Variants in MAP1B observed in about 807,000 individuals in gnomAD.
MAP1B encodes the protein microtubule associated protein 1B.
MAP1B carries 12 observed loss-of-function variants against 176.1 expected under a neutral mutation model. That is an observed-to-expected ratio of 0.07 (90% CI 0.04 to 0.11). MAP1B has a LOEUF of 0.11. Ranked by LOEUF, MAP1B falls within the 10% of genes least tolerant of loss-of-function variation. The probability of loss-of-function intolerance (pLI) is 1.00; values close to 1 mark genes in which losing one functional copy is unlikely to be tolerated. For missense variants in MAP1B, 2,523 were observed against 2,990.5 expected, an observed-to-expected ratio of 0.84 and a Z score of 3.65; for synonymous variants, 1,044 against 1,135.0, an observed-to-expected ratio of 0.92 and a Z score of 1.61.
intron 2 of MAP1B, among the ~76,000 whole-genome samples, chr5:72,138,464 A>G (rs967411173): frequency 2.0e-5 from 3 of 152,322 alleles, no homozygotes; most frequent in South Asian, 2.1e-4. Flanking sequence ...TTCAATATAT[A>G]TGAAGAGTCA....
intron 5 of MAP1B, among the ~76,000 whole-genome samples, chr5:72,200,940 A>T (rs1747321163): frequency 6.6e-6 from 1 of 152,246 alleles, no homozygotes; most frequent in Non-Finnish European, 1.5e-5. Context: ...TCAGCCAAAA[A>T]ATACTATAAT....
At chr5:72,158,880 AT>A (rs1287842583) in intron 2 of MAP1B, among the ~76,000 whole-genome samples, 1 of 152,226 alleles carries the variant, frequency 6.6e-6, no homozygotes, top group African/African-American at 2.4e-5. Context: ...GGGTTCACTT[AT>A]GCAGAAAGTT....
At chr5:72,131,640 G>A (rs1745734634) in intron 2 of MAP1B, among the ~76,000 whole-genome samples, 1 of 152,200 alleles carries the variant, frequency 6.6e-6, no homozygotes. Context: ...AAATTCTAAT[G>A]ATAAATAGAG....
chr5:72,165,406 G>A (rs1417223795), intron 2 of MAP1B, among the ~76,000 whole-genome samples: 5 of 152,168 alleles, frequency 3.3e-5, no homozygotes, highest in Admixed American at 3.3e-4. Flanking sequence ...CAAGTCCACA[G>A]ACCCAGAATC....
At chr5:72,120,569 C>T (rs1014911642) in intron 2 of MAP1B, among the ~76,000 whole-genome samples, 3 of 151,850 alleles carry the variant, frequency 2.0e-5, no homozygotes, top group Admixed American at 1.3e-4. Context: ...GGACTACAGG[C>T]GCCCACCACC....
At chr5:72,112,574 G>A (rs2056546725) in intron 1 of MAP1B, among the ~76,000 whole-genome samples, 2 of 152,104 alleles carry the variant, frequency 1.3e-5, no homozygotes, top group African/African-American at 2.4e-5. Flanking sequence ...TCCCTTGTGT[G>A]CACTGCTACC....
chr5:72,146,216 T>C (rs1360012267), intron 2 of MAP1B, among the ~76,000 whole-genome samples: 1 of 152,234 alleles, frequency 6.6e-6, no homozygotes, highest in Non-Finnish European at 1.5e-5. Context: ...CCAAAAAATC[T>C]GAACAATGCC....
intron 1 of MAP1B, among the ~76,000 whole-genome samples, chr5:72,109,599 G>A (rs1745275172): frequency 6.6e-6 from 1 of 152,192 alleles, no homozygotes; most frequent in East Asian, 1.9e-4. Context: ...CTAGGAGAGG[G>A]ATCATCAACC....
chr5:72,142,966 T>G (rs1333710549), intron 2 of MAP1B, among the ~76,000 whole-genome samples: 2 of 152,170 alleles, frequency 1.3e-5, no homozygotes, highest in Non-Finnish European at 2.9e-5. Flanking sequence ...TCTCCAAAAA[T>G]AAGATTTTCT....
rs150362687 is a variant in MAP1B at position 72,142,065 on chromosome 5, A to T, written c.286+26266A>T. ...TCTGGAATGCAGTCCCCAGCCCCAAATCCTAATATGCTGACAAGGCAAAAG... is the reference window on the plus strand; with the variant it reads ...TCTGGAATGCAGTCCCCAGCCCCAATTCCTAATATGCTGACAAGGCAAAAG... On this transcript the variant is annotated intron_variant, in intron 2 of 6. Coordinates refer to ENST00000296755, the MANE Select transcript of MAP1B (RefSeq NM_005909.5). Among the ~76,000 whole-genome samples the T allele has an allele frequency of 3.5e-3, 531 of 152,260 alleles. 2 individuals carry two copies. Among genetic ancestry groups the T allele is most frequent in the African/African-American group, 0.012 (510 of 41,528 alleles).
chr5:72,178,725 GGTGTGT>G lies in MAP1B; in HGVS notation c.287-4977_287-4972del, dbSNP rs34082751. On this transcript the variant is annotated intron_variant, in intron 2 of 6. Coordinates refer to ENST00000296755, the MANE Select transcript of MAP1B (RefSeq NM_005909.5). ...CAAAACCAGGGTGAAGCCTCTGAGGGGTGTGTGTGTGTGTGTGTGTGTGTGTGTGTG... is the reference window on the plus strand; with the variant it reads ...CAAAACCAGGGTGAAGCCTCTGAGGGGTGTGTGTGTGTGTGTGTGTGTGTG... Among the ~76,000 whole-genome samples the G allele has an allele frequency of 8.9e-3, 1,248 of 140,478 alleles. 10 individuals carry two copies. Among genetic ancestry groups the G allele is most frequent in the African/African-American group, 0.026 (969 of 37,562 alleles). The allele number at this position is 140,478 out of a possible 152,430, so 92.2% of individuals were successfully genotyped here.
chr5:72,186,806 G>T lies in MAP1B; in HGVS notation c.510+52G>T, dbSNP rs1195361779. ...GCTTCTAGTGGCTTGGTTGCCTTAGGTTCCTCTTTGAGAGCACTGGGGGAG... is the reference window on the plus strand; with the variant it reads ...GCTTCTAGTGGCTTGGTTGCCTTAGTTTCCTCTTTGAGAGCACTGGGGGAG... On this transcript the variant is annotated intron_variant, in intron 4 of 6. Coordinates refer to ENST00000296755, the MANE Select transcript of MAP1B (RefSeq NM_005909.5). This position sits in a 1 kb window ranked among gnomAD's most constrained non-coding sequence, Gnocchi z 4.3. The T allele has an allele frequency of 3.7e-6, 6 of 1,605,882 alleles. No individual in the cohort carries two copies. The highest frequency in any genetic ancestry group is 5.1e-6 in the Non-Finnish European group (6 of 1,176,494).
At chr5:72,151,715 T>C (rs752304983) in intron 2 of MAP1B, among the ~76,000 whole-genome samples, 18 of 152,182 alleles carry the variant, frequency 1.2e-4, no homozygotes, top group Non-Finnish European at 1.6e-4. Context: ...ATAGGTGTGG[T>C]CCCAAACTGG....
At chr5:72,150,254 T>C (rs10064686) in intron 2 of MAP1B, among the ~76,000 whole-genome samples, 10,389 of 152,366 alleles carry the variant, frequency 0.068, 416 homozygotes, top group Middle Eastern at 0.095. Context: ...TCAGAATCCA[T>C]TTAATATTTT....
intron 2 of MAP1B, among the ~76,000 whole-genome samples, chr5:72,181,893 T>G (rs1259933505): frequency 6.6e-6 from 1 of 151,850 alleles, no homozygotes; most frequent in Non-Finnish European, 1.5e-5. Context: ...CCTGGCTAAT[T>G]TTTTGTATTT....
Position 72,198,829 on chromosome 5 carries a change from C to G in MAP1B, c.5474C>G (p.Ala1825Gly). The stretch of plus-strand genomic sequence containing the variant: ...TCCTCTTCTCCACCAATAGATGCAG[C>G]ATCCGCAGAGCCCTATGGCTTCCGT... ...HSSSSPPIDA[A>G]SAEPYGFRAS... The change falls in exon 5 of 7, where the codon GCA (alanine) becomes GGA (glycine). Residue 1825 changes from alanine to glycine, a missense_variant. By Grantham distance (60) the Ala-to-Gly change is moderately conservative (BLOSUM62 0). Transcript: ENST00000296755. 3.7e-6 allele frequency: 6 copies of G among 1,614,252 alleles called. No individual in the cohort carries two copies. Among genetic ancestry groups the G allele is most frequent in the South Asian group, 1.1e-5 (1 of 91,082 alleles).
chr5:72,176,187 G>A (rs1746651012), intron 2 of MAP1B, among the ~76,000 whole-genome samples: 1 of 152,232 alleles, frequency 6.6e-6, no homozygotes, highest in Non-Finnish European at 1.5e-5. Context: ...GTGCCCTGCT[G>A]GGTCCACACA....
At chr5:72,124,054 G>GAACATAAACCC (rs1745580366) in intron 2 of MAP1B, among the ~76,000 whole-genome samples, 1 of 152,186 alleles carries the variant, frequency 6.6e-6, no homozygotes. Context: ...ATTGCATTTT[G>GAACATAAACCC]ATTGTTCAAC....
intron 2 of MAP1B, among the ~76,000 whole-genome samples, chr5:72,165,616 C>T (rs984815443): frequency 6.6e-6 from 1 of 152,102 alleles, no homozygotes; most frequent in Non-Finnish European, 1.5e-5. Context: ...GCTCAGTTTT[C>T]CCATCCACTA....
Sources: allele counts gnomAD v4.1 joint callset (sites outside exome capture counted in the v4.1 genomes callset), GRCh38; gene constraint gnomAD v4.1.1; non-coding constraint Gnocchi (gnomAD v3.1); transcripts MANE v1.5; gene names NCBI Gene and HGNC (gene_info 2026-07-23, HGNC 2026-07-21).